The following SAFB variants were observed in gnomAD, a reference collection of about 807,000 sequenced individuals.
The protein encoded by SAFB is scaffold attachment factor B1.
Under a neutral mutation model 101.6 loss-of-function variants are expected in SAFB, and 15 were observed. The observed-to-expected ratio is 0.15, with a 90% CI of 0.10 to 0.23. The LOEUF (loss-of-function observed/expected upper bound fraction) is 0.23. SAFB is among the 10% of genes least tolerant of loss of function. The pLI, the probability that SAFB is intolerant of heterozygous loss-of-function variation, is 1.00. For missense variants in SAFB, 930 were observed against 1,104.1 expected, an observed-to-expected ratio of 0.84 and a Z score of 2.23; for synonymous variants, 449 against 407.5, an observed-to-expected ratio of 1.10 and a Z score of -1.23.
chr19:5,655,431 G>T (rs1210925259), intron 13 of SAFB, among the ~76,000 whole-genome samples: 2 of 143,872 alleles, frequency 1.4e-5, no homozygotes, highest in Admixed American at 1.5e-4. Flanking sequence ...CTGCACTCTA[G>T]CCTGGGAGAG....
In SAFB at chr19:5,628,984, G is replaced by A. The variant is rs572811993; in HGVS notation, c.274+2495G>A. ...TTCTCACTCTGTCACTCAGATGGAGGGTAGTCGCGCAGTCATAGTTCGCTG... is the reference window on the plus strand; with the variant it reads ...TTCTCACTCTGTCACTCAGATGGAGAGTAGTCGCGCAGTCATAGTTCGCTG... On this transcript the variant is annotated intron_variant, in intron 2 of 20. Transcript: ENST00000588852. Among the ~76,000 whole-genome samples the A allele has an allele frequency of 3.3e-4, 50 of 152,228 alleles. 1 individual carries two copies. The South Asian group carries it at 1.0e-2, about 30-fold the overall frequency.
chr19:5,648,403 A>AT, intron 6 of SAFB: 1 of 299,836 alleles, frequency 3.3e-6, no homozygotes, highest in South Asian at 4.5e-5. Flanking sequence ...CAGTAGCTTA[A>AT]TTTTGTTGTT....
intron 2 of SAFB, among the ~76,000 whole-genome samples, chr19:5,640,756 G>A (rs369273910): frequency 6.6e-6 from 1 of 151,720 alleles, no homozygotes; most frequent in African/African-American, 2.4e-5. Flanking sequence ...CAACCAGCTA[G>A]TTTTTTGTAT....
At chr19:5,625,575 A>C (rs1170150688) in intron 1 of SAFB, among the ~76,000 whole-genome samples, 3 of 152,174 alleles carry the variant, frequency 2.0e-5, no homozygotes, top group Admixed American at 6.5e-5. Context: ...GAGAGTAAAG[A>C]CTGGAAAAGT....
chr19:5,645,827 A>G (rs917293173), intron 5 of SAFB, among the ~76,000 whole-genome samples: 19 of 151,974 alleles, frequency 1.3e-4, no homozygotes, highest in African/African-American at 4.1e-4. Flanking sequence ...CCTGTTGGGG[A>G]AGGTGGGGTC....
chr19:5,653,455 G>T lies in SAFB; in HGVS notation c.1526+35G>T, dbSNP rs766680097. ...CTTCCTGGCTAAATTAAAGGGGCAG[G>T]GTGTTTTTTGTTGTTGTTGTTTTGT... is the stretch of plus-strand genomic sequence containing the variant. On this transcript the variant is annotated intron_variant, in intron 11 of 20. Transcript: ENST00000588852. 1.9e-6 allele frequency: 3 copies of T among 1,588,884 alleles called. No homozygotes were observed. In the South Asian group the frequency reaches 3.3e-5, roughly 18 times the overall value.
At chr19:5,647,886 C>T (rs969689380) in intron 5 of SAFB, 130 bp from the exon 6 acceptor site, 2 of 822,214 alleles carry the variant, frequency 2.4e-6, no homozygotes, top group East Asian at 2.6e-5. Context: ...GCAGGTTCTC[C>T]ACCTCTTGAG....
chr19:5,629,537 C>T (rs367889629), intron 2 of SAFB, among the ~76,000 whole-genome samples: 1 of 152,074 alleles, frequency 6.6e-6, no homozygotes, highest in African/African-American at 2.4e-5. Flanking sequence ...GGCTAATAAT[C>T]TTCTGTATGA....
In SAFB at chr19:5,623,407, C is replaced by T; in HGVS notation, c.189+13C>T. On this transcript the variant is annotated intron_variant, in intron 1 of 20. Coordinates refer to ENST00000588852, the MANE Select transcript of SAFB (RefSeq NM_001201338.2). Reference sequence around the variant, plus strand: ...GCGGCTGAAGAAGGTGGATTTGGGGCCCCGAGGGCGGGCACAGGGTGGGTC... The same window carrying T: ...GCGGCTGAAGAAGGTGGATTTGGGGTCCCGAGGGCGGGCACAGGGTGGGTC... 1 of 1,610,102 alleles carries T rather than the reference C, an allele frequency of 6.2e-7. No homozygotes were observed. The highest frequency in any genetic ancestry group is 8.5e-7 in the Non-Finnish European group (1 of 1,176,836).
rs1242462397 is a variant in SAFB, at chr19:5,623,262, G to C, written c.57G>C (p.Leu19=). The change falls in exon 1 of 21, where the codon CTG becomes CTC. Residue 19 remains leucine, a synonymous_variant. Coordinates refer to ENST00000588852, the MANE Select transcript of SAFB (RefSeq NM_001201338.2). ...CTGGAGCGGCGGGCGCGGCGGCTCT[G>C]AGCTCCGCCTCGTCAGAGACCGGGA... ...GDSGAAGAAA[L]SSASSETGTR... The C allele has an allele frequency of 6.3e-7, 1 of 1,591,350 alleles. No homozygotes were observed.
intron 2 of SAFB, among the ~76,000 whole-genome samples, chr19:5,634,627 A>C (rs2053558182): frequency 6.6e-6 from 1 of 152,134 alleles, no homozygotes; most frequent in South Asian, 2.1e-4. Context: ...GCACAGAATA[A>C]GGAAGAAACT....
intron 4 of SAFB, 105 bp from the exon 5 acceptor site, chr19:5,645,229 TTTG>T: frequency 1.7e-6 from 1 of 590,854 alleles, no homozygotes. Context: ...GGTTTAAAAT[TTTG>T]TTGTGAATTA....
At chr19:5,648,275 G>C (rs1022804275) in intron 6 of SAFB, 1 of 533,274 alleles carries the variant, frequency 1.9e-6, no homozygotes, top group Admixed American at 3.7e-5. Flanking sequence ...TGAGATGAAA[G>C]TATCTCATGC....
At chr19:5,653,077 C>G in intron 9 of SAFB, 38 bp from the exon 10 acceptor site, 1 of 1,611,098 alleles carries the variant, frequency 6.2e-7, no homozygotes, top group Non-Finnish European at 8.5e-7. Flanking sequence ...GCTCAGTGGG[C>G]TTCATGTCTG....
intron 2 of SAFB, among the ~76,000 whole-genome samples, chr19:5,637,259 G>C (rs1238151043): frequency 8.7e-5 from 13 of 149,350 alleles, no homozygotes; most frequent in Non-Finnish European, 1.5e-5. Context: ...CAGGAGAATG[G>C]CGTGAACCCG....
intron 15 of SAFB, among the ~76,000 whole-genome samples, chr19:5,662,519 G>C (rs1014041103): frequency 6.6e-6 from 1 of 151,916 alleles, no homozygotes; most frequent in African/African-American, 2.4e-5. Flanking sequence ...GAGACAGGAG[G>C]CTGGATAAAG....
intron 4 of SAFB, among the ~76,000 whole-genome samples, chr19:5,643,389 C>G (rs997872679): frequency 3.9e-5 from 6 of 152,148 alleles, no homozygotes; most frequent in Non-Finnish European, 7.3e-5. Flanking sequence ...TGCATTTCCT[C>G]TTGGAACTGA....
chr19:5,644,745 G>A (rs909421609), intron 4 of SAFB, among the ~76,000 whole-genome samples: 6 of 152,206 alleles, frequency 3.9e-5, no homozygotes, highest in Admixed American at 1.3e-4. Flanking sequence ...CCCTTTCTTT[G>A]TTTGGGGAAT....
chr19:5,655,070 T>G (rs924004277), intron 13 of SAFB, among the ~76,000 whole-genome samples: 2 of 152,306 alleles, frequency 1.3e-5, no homozygotes, highest in East Asian at 3.9e-4. Context: ...CACCCAGCAG[T>G]GTGGAGCATG....
Sources: allele counts gnomAD v4.1 joint callset (sites outside exome capture counted in the v4.1 genomes callset), GRCh38; gene constraint gnomAD v4.1.1; transcripts MANE v1.5; gene names NCBI Gene and HGNC (gene_info 2026-07-23, HGNC 2026-07-21).